FAM193A: variants seen among roughly 807,000 people sequenced by gnomAD.
FAM193A encodes the protein protein FAM193A.
In FAM193A, 22 loss-of-function variants were observed where a neutral mutation model predicts 126.5. The ratio of observed to expected loss-of-function variants is 0.17; its 90% CI spans 0.12 to 0.25. The LOEUF is 0.25. Ranked by LOEUF, FAM193A falls within the 10% of genes least tolerant of loss-of-function variation. The pLI is 1.00. For missense variants in FAM193A, 1,675 were observed against 1,672.8 expected (o/e 1.00, Z -0.02); for synonymous variants, 761 against 646.8 (o/e 1.18, Z -2.68).
At chr4:2,660,537 C>T (rs1299333024) in intron 10 of FAM193A, among the ~76,000 whole-genome samples, 1 of 152,190 alleles carries the variant, frequency 6.6e-6, no homozygotes, top group East Asian at 1.9e-4. Flanking sequence ...GTTGGCTGTT[C>T]CCAGATTTCT....
At chr4:2,613,515 G>A (rs898377309) in intron 2 of FAM193A, among the ~76,000 whole-genome samples, 5 of 150,540 alleles carry the variant, frequency 3.3e-5, no homozygotes, top group African/African-American at 7.3e-5. Flanking sequence ...GTGCAGTGGC[G>A]CGATGTCGGC....
At chr4:2,566,964 G>C (rs1292241939) in intron 1 of FAM193A, among the ~76,000 whole-genome samples, 2 of 150,132 alleles carry the variant, frequency 1.3e-5, no homozygotes, top group South Asian at 4.2e-4. Flanking sequence ...TTTTGAGACG[G>C]AGTCTCGCTC....
intron 2 of FAM193A, among the ~76,000 whole-genome samples, chr4:2,607,496 C>T (rs1741615072): frequency 1.3e-5 from 2 of 152,166 alleles, no homozygotes; most frequent in Non-Finnish European, 2.9e-5. Context: ...TTTTGCTAGC[C>T]ATTAGTAGTT....
chr4:2,660,137 T>G, intron 10 of FAM193A, 83 bp downstream of exon 10: 1 of 1,400,822 alleles, frequency 7.1e-7, no homozygotes, highest in African/African-American at 1.4e-5. Context: ...TCCACAGAAG[T>G]ATGAACATCA....
At chr4:2,572,772 G>A (rs1008537309) in intron 1 of FAM193A, among the ~76,000 whole-genome samples, 4 of 143,720 alleles carry the variant, frequency 2.8e-5, no homozygotes, top group South Asian at 2.2e-4. Flanking sequence ...TTGAGCAGAG[G>A]AGGAATTTTT....
chr4:2,569,493 A>G (rs1265129644), intron 1 of FAM193A, among the ~76,000 whole-genome samples: 1 of 152,106 alleles, frequency 6.6e-6, no homozygotes, highest in Non-Finnish European at 1.5e-5. Flanking sequence ...TGCCATTTTT[A>G]TTATTATTAA....
intron 13 of FAM193A, among the ~76,000 whole-genome samples, chr4:2,678,169 A>G (rs1006366894): frequency 4.6e-5 from 7 of 151,862 alleles, no homozygotes; most frequent in African/African-American, 1.7e-4. Flanking sequence ...GTATTTTAAT[A>G]GAGATGGGGT....
chr4:2,689,092 G>A (rs1027433656), intron 13 of FAM193A, among the ~76,000 whole-genome samples: 2 of 152,222 alleles, frequency 1.3e-5, no homozygotes, highest in African/African-American at 4.8e-5. Flanking sequence ...AGAGGTCAGT[G>A]TAAGGGTTTT....
intron 13 of FAM193A, among the ~76,000 whole-genome samples, chr4:2,673,246 A>G (rs141136127): frequency 6.6e-6 from 1 of 152,288 alleles, no homozygotes; most frequent in African/African-American, 2.4e-5. Flanking sequence ...CTAATTTATT[A>G]TTTAAAACAT....
chr4:2,685,142 C>T (rs1270254055), intron 13 of FAM193A, among the ~76,000 whole-genome samples: 2 of 152,126 alleles, frequency 1.3e-5, no homozygotes, highest in Non-Finnish European at 2.9e-5. Context: ...GAGAACTTTG[C>T]AGTGGAGCAT....
chr4:2,704,477 A>G lies in FAM193A; in HGVS notation c.4372+3933A>G, dbSNP rs377353472. Among the ~76,000 whole-genome samples the G allele has an allele frequency of 9.2e-5, 14 of 152,198 alleles. No homozygotes were observed. The South Asian group carries it at 2.7e-3, about 29-fold the overall frequency. Reference sequence around the variant, plus strand: ...CTACTGGAGACACCGATGCAGGAGGATCACCTGAGCCTGGGAGGCGGAGGT... The same window carrying G: ...CTACTGGAGACACCGATGCAGGAGGGTCACCTGAGCCTGGGAGGCGGAGGT... On this transcript the variant is annotated intron_variant, in intron 19 of 20. Transcript: ENST00000637812.
At chr4:2,558,792 G>C (rs2108835544) in intron 1 of FAM193A, among the ~76,000 whole-genome samples, 1 of 152,342 alleles carries the variant, frequency 6.6e-6, no homozygotes, top group East Asian at 1.9e-4. Context: ...CTTGAGGGCA[G>C]AGGTTCGAGA....
chr4:2,721,927 C>G (rs1436045669), intron 20 of FAM193A, among the ~76,000 whole-genome samples: 1 of 152,202 alleles, frequency 6.6e-6, no homozygotes, highest in Non-Finnish European at 1.5e-5. Flanking sequence ...ATGGAGAACT[C>G]TCACAGACAT....
intron 1 of FAM193A, among the ~76,000 whole-genome samples, chr4:2,588,910 C>T (rs138857393): frequency 1.3e-5 from 2 of 152,212 alleles, no homozygotes; most frequent in East Asian, 1.9e-4. Flanking sequence ...TGGCAAAGAA[C>T]GGTATGTTAG....
intron 1 of FAM193A, among the ~76,000 whole-genome samples, chr4:2,554,731 T>G (rs1310639263): frequency 6.6e-6 from 1 of 152,186 alleles, no homozygotes; most frequent in East Asian, 1.9e-4. Flanking sequence ...TTATTTAGCT[T>G]TTGCTTCATG....
In FAM193A at chr4:2,626,584, A is replaced by G; in HGVS notation, c.803+7A>G. The G allele has an allele frequency of 1.4e-6, 1 of 690,198 alleles. No homozygotes were observed. The allele number at this position is 690,198 out of a possible 1,614,324, so 42.8% of individuals were successfully genotyped here. On this transcript the variant is annotated splice_region_variant and intron_variant, in intron 4 of 20. Coordinates refer to ENST00000637812, the MANE Select transcript of FAM193A (RefSeq NM_001366318.2). ...TGAAGGAGCTCGTGGATAGGTACAT[A>G]CTGCCCTTTCCTGTTGTGGCCCCAT...
chr4:2,716,555 G>A (rs1719557931), intron 20 of FAM193A, among the ~76,000 whole-genome samples: 1 of 152,158 alleles, frequency 6.6e-6, no homozygotes. Flanking sequence ...ACACTGGAGT[G>A]GTATGCTTTT....
At chr4:2,568,936 G>A (rs1330751340) in intron 1 of FAM193A, among the ~76,000 whole-genome samples, 2 of 145,322 alleles carry the variant, frequency 1.4e-5, no homozygotes, top group East Asian at 4.0e-4. Context: ...CACTAGTGTG[G>A]TTACTCATTC....
chr4:2,721,733 C>T (rs1369825554), intron 20 of FAM193A, among the ~76,000 whole-genome samples: 1 of 152,192 alleles, frequency 6.6e-6, no homozygotes, highest in Non-Finnish European at 1.5e-5. Flanking sequence ...AAGAGTTTGG[C>T]AGACTCTAGC....
Sources: allele counts gnomAD v4.1 joint callset (sites outside exome capture counted in the v4.1 genomes callset), GRCh38; gene constraint gnomAD v4.1.1; transcripts MANE v1.5; gene names NCBI Gene and HGNC (gene_info 2026-07-23, HGNC 2026-07-21).